Variants in C8orf34 observed in about 807,000 individuals in gnomAD.
C8orf34 encodes the protein chromosome 8 open reading frame 34, also known as uncharacterized protein C8orf34.
A neutral mutation model predicts 68.3 loss-of-function variants in C8orf34; 65 were observed. The ratio of observed to expected loss-of-function variants is 0.95; its 90% CI spans 0.78 to 1.17. The LOEUF (loss-of-function observed/expected upper bound fraction) is 1.17. Among genes scored for constraint, C8orf34 ranks in the 50% most tolerant of loss-of-function variants. The pLI, the probability that C8orf34 is intolerant of heterozygous loss-of-function variation, is 0.00. For synonymous variants in C8orf34, 244 were observed against 241.2 expected (o/e 1.01, Z -0.11); for missense variants, 664 against 655.4 (o/e 1.01, Z -0.14).
intron 7 of C8orf34, among the ~76,000 whole-genome samples, chr8:68,598,378 C>T (rs191300888): frequency 3.0e-3 from 459 of 152,220 alleles, no homozygotes; most frequent in African/African-American, 0.01. Flanking sequence ...TCAAAAGCTA[C>T]GGGTACCGAG....
intron 10 of C8orf34, among the ~76,000 whole-genome samples, chr8:68,744,378 G>C (rs550139066): frequency 6.6e-6 from 1 of 152,230 alleles, no homozygotes; most frequent in East Asian, 1.9e-4. Flanking sequence ...AACAAAGCTG[G>C]ACGGAGAATG....
At chr8:68,556,611 G>T (rs1008098902) in intron 7 of C8orf34, among the ~76,000 whole-genome samples, 1 of 152,164 alleles carries the variant, frequency 6.6e-6, no homozygotes, top group East Asian at 1.9e-4. Flanking sequence ...AAGTGATAAA[G>T]AGCCGAGGGC....
At position 68,532,990 on chromosome 8, in the gene C8orf34, A is replaced by T; in HGVS notation, c.946A>T (p.Met316Leu). The part of the protein sequence containing the change: ...SGSSPAGSLK[M>L]EPKNKGLKQQ... ...ATTTAAATATTTCTTCAGCTTAAAG[A>T]TGGAGCCTAAGAACAAAGGATTAAA... The change falls in exon 7 of 14, where the codon ATG becomes TTG. Residue 316 changes from methionine (M) to leucine (L), a missense_variant. Coordinates refer to ENST00000518698, the MANE Select transcript of C8orf34 (RefSeq NM_052958.4). The T allele has an allele frequency of 6.3e-7, 1 of 1,581,932 alleles. No homozygotes were observed. Among genetic ancestry groups the T allele is most frequent in the Non-Finnish European group, 8.6e-7 (1 of 1,163,038 alleles).
intron 8 of C8orf34, among the ~76,000 whole-genome samples, chr8:68,662,764 C>CT (rs1466661893): frequency 6.6e-6 from 1 of 152,028 alleles, no homozygotes; most frequent in African/African-American, 2.4e-5. Context: ...TAGGAATCCC[C>CT]TTTTTTTCAC....
chr8:68,337,510 A>G (rs1274363971), intron 1 of C8orf34, among the ~76,000 whole-genome samples: 2 of 152,238 alleles, frequency 1.3e-5, no homozygotes, highest in Non-Finnish European at 2.9e-5. Context: ...TCTAGATATA[A>G]TACTTCTGTT....
rs144380042 is a variant in C8orf34 at position 68,668,101 on chromosome 8, T to C, written c.1241+27590T>C. Among the ~76,000 whole-genome samples, 162 of 152,204 alleles carry C rather than the reference T, an allele frequency of 1.1e-3. 1 individual carries two copies. The highest frequency in any genetic ancestry group is 6.8e-3 in the Middle Eastern group (2 of 294). ...TATTAAATAATCAAGAAAAATCCTT[T>C]TGAAAGTATAAATTTATATAAAAAT... On this transcript the variant is annotated intron_variant, in intron 8 of 13. Coordinates refer to ENST00000518698, the MANE Select transcript of C8orf34 (RefSeq NM_052958.4).
At chr8:68,445,526 T>A (rs1428100288) in intron 2 of C8orf34, among the ~76,000 whole-genome samples, 2 of 152,146 alleles carry the variant, frequency 1.3e-5, no homozygotes, top group African/African-American at 4.8e-5. Flanking sequence ...AATTGTGGAA[T>A]GGGCAAGACA....
At chr8:68,387,656 A>T (rs1808315433) in intron 1 of C8orf34, among the ~76,000 whole-genome samples, 1 of 152,160 alleles carries the variant, frequency 6.6e-6, no homozygotes, top group Non-Finnish European at 1.5e-5. Flanking sequence ...TTTCCTTCAT[A>T]GCACTGTGTG....
chr8:68,366,506 G>C (rs1253204889), intron 1 of C8orf34, among the ~76,000 whole-genome samples: 3 of 149,316 alleles, frequency 2.0e-5, no homozygotes, highest in African/African-American at 7.5e-5. Context: ...TTTACTACAA[G>C]GCTACAGTAA....
At chr8:68,367,758 G>T in intron 1 of C8orf34, among the ~76,000 whole-genome samples, 1 of 121,682 alleles carries the variant, frequency 8.2e-6, no homozygotes, top group African/African-American at 3.0e-5. Context: ...GTGGGGTGGG[G>T]GGAGGGGGGA....
intron 1 of C8orf34, among the ~76,000 whole-genome samples, chr8:68,404,077 G>A (rs182023362): frequency 2.6e-3 from 396 of 152,196 alleles, no homozygotes; most frequent in Non-Finnish European, 4.3e-3. Flanking sequence ...TCTTACTGGC[G>A]TGAGATGGTA....
chr8:68,418,147 A>G (rs1486076054), intron 1 of C8orf34, among the ~76,000 whole-genome samples: 1 of 146,364 alleles, frequency 6.8e-6, no homozygotes, highest in East Asian at 1.9e-4. Context: ...TTGATTTTGT[A>G]TCCTGAGACT....
At chr8:68,610,013 G>A (rs537898874) in intron 7 of C8orf34, among the ~76,000 whole-genome samples, 2 of 152,280 alleles carry the variant, frequency 1.3e-5, no homozygotes, top group East Asian at 3.9e-4. Flanking sequence ...CATGGATCAA[G>A]TGCATCGTTA....
At chr8:68,453,679 T>C (rs1019958522) in intron 3 of C8orf34, among the ~76,000 whole-genome samples, 3 of 152,020 alleles carry the variant, frequency 2.0e-5, no homozygotes, top group African/African-American at 7.2e-5. Flanking sequence ...GTGAATTCTT[T>C]AGGACTCTCA....
chr8:68,381,027 C>T (rs1402929992), intron 1 of C8orf34, among the ~76,000 whole-genome samples: 1 of 152,068 alleles, frequency 6.6e-6, no homozygotes, highest in East Asian at 1.9e-4. Flanking sequence ...ACAGAATTTA[C>T]AATTAAGAAT....
chr8:68,395,142 A>C (rs1199093562), intron 1 of C8orf34, among the ~76,000 whole-genome samples: 1 of 152,072 alleles, frequency 6.6e-6, no homozygotes, highest in Non-Finnish European at 1.5e-5. Flanking sequence ...TTTTTTTTAA[A>C]CAACTATCAG....
chr8:68,561,517 G>A (rs1445400547), intron 7 of C8orf34, among the ~76,000 whole-genome samples: 2 of 152,142 alleles, frequency 1.3e-5, no homozygotes, highest in African/African-American at 2.4e-5. Context: ...AGCACTTTGG[G>A]AGGCCAACAT....
chr8:68,414,954 C>T (rs992107802), intron 1 of C8orf34, among the ~76,000 whole-genome samples: 4 of 152,084 alleles, frequency 2.6e-5, no homozygotes, highest in Non-Finnish European at 4.4e-5. Context: ...CAGCCAATGG[C>T]TCCAGCTGGG....
At chr8:68,799,322 G>T (rs1234266009) in intron 12 of C8orf34, among the ~76,000 whole-genome samples, 1 of 152,140 alleles carries the variant, frequency 6.6e-6, no homozygotes, top group African/African-American at 2.4e-5. Flanking sequence ...ATGGACGTAG[G>T]TTATAGGTCA....
Sources: allele counts gnomAD v4.1 joint callset (sites outside exome capture counted in the v4.1 genomes callset), GRCh38; gene constraint gnomAD v4.1.1; transcripts MANE v1.5; gene names NCBI Gene and HGNC (gene_info 2026-07-23, HGNC 2026-07-21).